ISY1: variants seen among roughly 807,000 people sequenced by gnomAD.
ISY1 encodes pre-mRNA-splicing factor ISY1 homolog.
Under a neutral mutation model 54.4 loss-of-function variants are expected in ISY1, and 12 were observed. That is an observed-to-expected ratio of 0.22 (90% CI 0.14 to 0.36). ISY1 has a LOEUF of 0.36. Among genes scored for constraint, ISY1 ranks in the 10% least tolerant of loss-of-function variants. The probability of loss-of-function intolerance (pLI) is 1.00; values close to 1 mark genes in which losing one functional copy is unlikely to be tolerated. For synonymous variants in ISY1, 96 were observed against 117.9 expected, an observed-to-expected ratio of 0.81 and a Z score of 1.20; for missense variants, 282 against 342.2, an observed-to-expected ratio of 0.82 and a Z score of 1.39.
chr3:129,129,329 C>A lies in ISY1; in HGVS notation c.*752G>T, dbSNP rs892857304. 3 of 151,876 alleles carry A rather than the reference C, an allele frequency of 2.0e-5. No individual in the cohort carries two copies. Among genetic ancestry groups the A allele is most frequent in the Non-Finnish European group, 4.4e-5 (3 of 68,016 alleles). The allele number at this position is 151,876 out of a possible 1,614,324, so 9.4% of individuals were successfully genotyped here. ...GCTAACGGAGAGCCCAGAGCAGCAA[C>A]CAACACAGAGGGACCTGGTCATTGA... On this transcript the variant is annotated 3_prime_UTR_variant, in exon 11 of 11. Coordinates refer to ENST00000393295, the MANE Select transcript of ISY1 (RefSeq NM_020701.4).
intron 6 of ISY1, among the ~76,000 whole-genome samples, chr3:129,143,517 A>G (rs888962525): frequency 2.6e-5 from 4 of 151,570 alleles, no homozygotes; most frequent in Non-Finnish European, 5.9e-5. Context: ...AAAAAAAAAA[A>G]AAAACTAAAC....
intron 6 of ISY1, among the ~76,000 whole-genome samples, chr3:129,144,714 TTG>T (rs140492592): frequency 6.6e-6 from 1 of 151,732 alleles, no homozygotes; most frequent in Non-Finnish European, 1.5e-5. Context: ...TGGCTTGTGA[TTG>T]TGTGTGTGTG....
chr3:129,154,143 G>A (rs1208301740), intron 5 of ISY1, among the ~76,000 whole-genome samples: 1 of 151,818 alleles, frequency 6.6e-6, no homozygotes, highest in African/African-American at 2.4e-5. Context: ...GCGGGAGGCT[G>A]AGGCAGGAGA....
At chr3:129,160,805 T>A (rs1388588393) in intron 1 of ISY1, among the ~76,000 whole-genome samples, 168 bp downstream of exon 1, 1 of 152,174 alleles carries the variant, frequency 6.6e-6, no homozygotes, top group Non-Finnish European at 1.5e-5. Context: ...TTTTCCAATT[T>A]GTGACAGCTA....
At chr3:129,131,043 A>G (rs1936223104) in intron 9 of ISY1, among the ~76,000 whole-genome samples, 1 of 152,254 alleles carries the variant, frequency 6.6e-6, no homozygotes, top group Non-Finnish European at 1.5e-5. Flanking sequence ...CTATGAGTCA[A>G]TACAAATTTC....
At chr3:129,144,215 A>G (rs1936705714) in intron 6 of ISY1, 2 of 380,414 alleles carry the variant, frequency 5.3e-6, no homozygotes, top group South Asian at 4.0e-5. Flanking sequence ...TACAGAGAAG[A>G]TTGGCATATA....
chr3:129,146,234 T>C (rs979372441), intron 5 of ISY1, among the ~76,000 whole-genome samples: 1 of 152,024 alleles, frequency 6.6e-6, no homozygotes, highest in East Asian at 1.9e-4. Flanking sequence ...AAAGACACAA[T>C]GAGGCTGGGA....
At chr3:129,151,334 T>A (rs758630222) in intron 5 of ISY1, among the ~76,000 whole-genome samples, 4 of 151,586 alleles carry the variant, frequency 2.6e-5, no homozygotes, top group Non-Finnish European at 5.9e-5. Context: ...CATAGAAAAT[T>A]ATGTAGGATT....
At position 129,157,308 on chromosome 3, in the gene ISY1, T is replaced by G. The variant is rs75916089; in HGVS notation, c.79-388A>C. Among the ~76,000 whole-genome samples the G allele has an allele frequency of 5.5e-4, 84 of 152,308 alleles. 2 individuals are homozygous for G. The East Asian group carries it at 0.016, about 29-fold the overall frequency. ...AAAAAAAAATCCAAAGAATGGTATA[T>G]ATTATCTCTAATTTGGGTGAGTCTC... On this transcript the variant is annotated intron_variant, in intron 3 of 10. Transcript: ENST00000393295.
At chr3:129,138,274 C>G (rs1936486151) in intron 7 of ISY1, among the ~76,000 whole-genome samples, 4 of 145,494 alleles carry the variant, frequency 2.7e-5, no homozygotes, top group Non-Finnish European at 6.0e-5. Context: ...GAGCAAAACT[C>G]CATCTCAAAA....
intron 6 of ISY1, among the ~76,000 whole-genome samples, chr3:129,142,740 T>C (rs1936658924): frequency 6.6e-6 from 1 of 151,416 alleles, no homozygotes; most frequent in African/African-American, 2.4e-5. Context: ...TGGGACACCA[T>C]TTCTACAAAA....
At chr3:129,145,720 A>G in intron 6 of ISY1, 41 bp downstream of exon 6, 1 of 1,599,586 alleles carries the variant, frequency 6.3e-7, no homozygotes, top group Non-Finnish European at 8.5e-7. Flanking sequence ...TGTGGGTGGA[A>G]AACTAGACAA....
In ISY1 at chr3:129,160,977, G is replaced by T. The variant is rs943093539; in HGVS notation, c.-2C>A. The T allele has an allele frequency of 2.6e-6, 3 of 1,173,332 alleles. No individual in the cohort carries two copies. The highest frequency in any genetic ancestry group is 2.3e-4 in the Middle Eastern group (1 of 4,300). 72.7% of individuals were successfully genotyped at this position (1,173,332 alleles called of 1,614,324 possible). ...TCACCCGCCCACCCTACTCACCATG[G>T]TGTCGCTAAGGGCGCCGTCCTGGAG... On this transcript the variant is annotated 5_prime_UTR_variant, in exon 1 of 11. Transcript: ENST00000393295.
intron 7 of ISY1, among the ~76,000 whole-genome samples, chr3:129,138,911 G>T (rs868283442): frequency 2.0e-5 from 3 of 151,704 alleles, no homozygotes; most frequent in Admixed American, 6.6e-5. Flanking sequence ...AATGTGAGTG[G>T]TTTTTTTCTG....
At chr3:129,146,858 G>C (rs1257639112) in intron 5 of ISY1, among the ~76,000 whole-genome samples, 1 of 152,146 alleles carries the variant, frequency 6.6e-6, no homozygotes, top group Admixed American at 6.6e-5. Flanking sequence ...AGGAGTTCAA[G>C]ACTAGCCTGG....
intron 5 of ISY1, among the ~76,000 whole-genome samples, chr3:129,151,899 CTGT>C (rs1384008328): frequency 5.9e-5 from 9 of 152,050 alleles, no homozygotes; most frequent in Non-Finnish European, 1.0e-4. Flanking sequence ...TGGCTCATGC[CTGT>C]AATCCCAGCT....
chr3:129,137,931 A>C lies in ISY1; in HGVS notation c.418+2437T>G, dbSNP rs867179729. On this transcript the variant is annotated intron_variant, in intron 7 of 10. Coordinates refer to ENST00000393295, the MANE Select transcript of ISY1 (RefSeq NM_020701.4). ...CTCCATGTCAAAAAAAAAAAAAAAA[A>C]AAAAACTCGAGACCACCCTGGCCAA... Among the ~76,000 whole-genome samples the C allele has an allele frequency of 4.7e-5, 7 of 148,808 alleles. No individual in the cohort carries two copies. In the South Asian group the frequency reaches 1.1e-3, roughly 23 times the overall value.
chr3:129,160,917 C>CGGCCGGGGGGGGGGGGGGGCGG, intron 1 of ISY1, 56 bp downstream of exon 1: 1 of 668,474 alleles, frequency 1.5e-6, no homozygotes, highest in Non-Finnish European at 2.7e-6. Flanking sequence ...GTGGACTGGG[C>CGGCCGGGGGGGGGGGGGGGCGG]GCCCCCCCGC....
chr3:129,142,652 G>C (rs1425397884), intron 6 of ISY1, among the ~76,000 whole-genome samples: 3 of 152,206 alleles, frequency 2.0e-5, no homozygotes, highest in African/African-American at 4.8e-5. Flanking sequence ...GCTCATGCCT[G>C]TAATCCCAGT....
Sources: allele counts gnomAD v4.1 joint callset (sites outside exome capture counted in the v4.1 genomes callset), GRCh38; gene constraint gnomAD v4.1.1; transcripts MANE v1.5; gene names NCBI Gene and HGNC (gene_info 2026-07-23, HGNC 2026-07-21).